Variants in NFIB observed in about 807,000 individuals in gnomAD.
NFIB encodes nuclear factor I B.
Under a neutral mutation model 61.5 loss-of-function variants are expected in NFIB, and 11 were observed. The observed-to-expected ratio is 0.18, with a 90% confidence interval of 0.11 to 0.30. The LOEUF is 0.30. Ranked by LOEUF, NFIB falls within the 10% of genes least tolerant of loss-of-function variation. The pLI is 1.00. For missense variants in NFIB, 471 were observed against 608.9 expected (o/e 0.77, Z 2.38); for synonymous variants, 260 against 216.5 (o/e 1.20, Z -1.76).
intron 10 of NFIB, among the ~76,000 whole-genome samples, chr9:14,098,530 G>A (rs2035236616): frequency 6.6e-6 from 1 of 152,208 alleles, no homozygotes; most frequent in Admixed American, 6.5e-5. Flanking sequence ...AAGCCAGCCA[G>A]TCAGGGAGTA....
At chr9:14,135,073 A>G (rs2130985186) in intron 6 of NFIB, among the ~76,000 whole-genome samples, 1 of 152,274 alleles carries the variant, frequency 6.6e-6, no homozygotes, top group Admixed American at 6.5e-5. Flanking sequence ...AAAACAGGCT[A>G]GCATATATAC....
At position 14,375,533 on chromosome 9, in the gene NFIB, C is replaced by T. The variant is rs572017516; in HGVS notation, c.108+22991G>A. On this transcript the variant is annotated intron_variant, in intron 1 of 8. Transcript: ENST00000380934. ...ATTATCTGGGCGTGGAGGTGGGCAC[C>T]TGCAATCCCAGCGACTTGGGAGGCC... is the stretch of plus-strand genomic sequence containing the variant. Among the ~76,000 whole-genome samples the T allele has an allele frequency of 5.9e-5, 9 of 152,242 alleles. No individual in the cohort carries two copies. The East Asian group carries it at 1.5e-3, about 26-fold the overall frequency.
the NFIB span, among the ~76,000 whole-genome samples, chr9:14,466,717 C>T: frequency 2.6e-5 from 4 of 152,234 alleles, no homozygotes; most frequent in East Asian, 7.7e-4. Flanking sequence ...TCCTCCCTCT[C>T]TATTCTTCTT....
the NFIB span, among the ~76,000 whole-genome samples, chr9:14,410,868 C>T: frequency 2.6e-5 from 4 of 152,156 alleles, no homozygotes; most frequent in Non-Finnish European, 5.9e-5. Context: ...TCATTCATTT[C>T]CTTCTCATTT....
intron 1 of NFIB, among the ~76,000 whole-genome samples, chr9:14,355,848 T>C (rs1161989705): frequency 2.0e-5 from 3 of 151,986 alleles, no homozygotes; most frequent in Non-Finnish European, 2.9e-5. Context: ...TCCCAGCTAC[T>C]CCGGAGGCTG....
intron 2 of NFIB, among the ~76,000 whole-genome samples, chr9:14,182,708 C>CTCTGTGTG (rs778914837): frequency 6.5e-4 from 63 of 96,998 alleles, no homozygotes; most frequent in East Asian, 2.3e-3. Flanking sequence ...CTCTCTCTCT[C>CTCTGTGTG]TGTGTGTGTG....
intron 1 of NFIB, among the ~76,000 whole-genome samples, chr9:14,330,757 G>C (rs1356210699): frequency 6.6e-6 from 1 of 152,056 alleles, no homozygotes; most frequent in Non-Finnish European, 1.5e-5. Flanking sequence ...GTGAATAATT[G>C]AGAAGCTCGT....
chr9:14,508,362 G>A, the NFIB span, among the ~76,000 whole-genome samples: 5,945 of 152,056 alleles, frequency 0.039, 369 homozygotes, highest in African/African-American at 0.13. Context: ...GCCGGAAACC[G>A]CCCACTCCTT....
the NFIB span, among the ~76,000 whole-genome samples, chr9:14,514,347 C>CACACACACACAT: frequency 6.6e-6 from 1 of 151,882 alleles, no homozygotes; most frequent in African/African-American, 2.4e-5. Flanking sequence ...CACACACACA[C>CACACACACACAT]GCATCCACCA....
At chr9:14,295,369 T>C (rs1242924064) in intron 2 of NFIB, among the ~76,000 whole-genome samples, 1 of 152,100 alleles carries the variant, frequency 6.6e-6, no homozygotes, top group African/African-American at 2.4e-5. Flanking sequence ...CTCATGCCTG[T>C]AATCCCAGCA....
At chr9:14,384,782 C>T (rs1015259248) in intron 1 of NFIB, among the ~76,000 whole-genome samples, 2 of 152,052 alleles carry the variant, frequency 1.3e-5, no homozygotes, top group East Asian at 3.9e-4. Flanking sequence ...ATACCCTTTT[C>T]GTTTTGTCTG....
Position 14,313,588 on chromosome 9 carries a change from T to C in NFIB, c.-77A>G. On this transcript the variant is annotated 5_prime_UTR_variant, in exon 1 of 11. Coordinates refer to ENST00000380953, the MANE Select transcript of NFIB (RefSeq NM_001190737.2). The surrounding 1 kb of genome is among the most constrained non-coding windows in gnomAD (Gnocchi z 4.5). ...AAGCAAGAATTTCATCTATTCATTT[T>C]ACAGTCATCTGAGCCCCGCGATGCG... The C allele has an allele frequency of 6.2e-7, 1 of 1,610,042 alleles. No homozygotes were observed. Among genetic ancestry groups the C allele is most frequent in the South Asian group, 1.1e-5 (1 of 90,748 alleles).
chr9:14,112,711 T>C (rs1032386284), intron 10 of NFIB, among the ~76,000 whole-genome samples: 5 of 152,198 alleles, frequency 3.3e-5, no homozygotes, highest in Admixed American at 3.3e-4. Context: ...AAGTTCTCAA[T>C]AGCCAATGAG....
intron 1 of NFIB, among the ~76,000 whole-genome samples, chr9:14,375,292 AG>A (rs1345674059): frequency 1.3e-5 from 2 of 152,206 alleles, no homozygotes; most frequent in Admixed American, 6.5e-5. Context: ...ATCATGAAAA[AG>A]GAAAAGAGGA....
chr9:14,347,632 T>G (rs922796747), intron 1 of NFIB, among the ~76,000 whole-genome samples: 19 of 148,838 alleles, frequency 1.3e-4, no homozygotes, highest in Admixed American at 1.3e-3. Flanking sequence ...CCTAGGCGGT[T>G]GAAGATCCAA....
chr9:14,406,067 G>C, the NFIB span, among the ~76,000 whole-genome samples: 5 of 152,162 alleles, frequency 3.3e-5, no homozygotes, highest in South Asian at 2.1e-4. Flanking sequence ...CTCCTAGGAG[G>C]GTGTATTTTC....
rs75820923 is a variant in NFIB, at chr9:14,368,990, T to C, written c.108+29534A>G. 3.1e-3 allele frequency among the ~76,000 whole-genome samples: 466 copies of C among 152,276 alleles called. 2 individuals are homozygous for C. Among genetic ancestry groups the C allele is most frequent in the Middle Eastern group, 3.4e-3 (1 of 294 alleles). On this transcript the variant is annotated intron_variant, in intron 1 of 8. Transcript: ENST00000380934. ...GAAAGTGATTGGCACATATAGTAAGTGACAGGTTTTTGGTACTGTGTATCA... is the reference window on the plus strand; with the variant it reads ...GAAAGTGATTGGCACATATAGTAAGCGACAGGTTTTTGGTACTGTGTATCA...
chr9:14,270,975 C>T (rs2057566788), intron 2 of NFIB, among the ~76,000 whole-genome samples: 2 of 152,066 alleles, frequency 1.3e-5, no homozygotes, highest in South Asian at 4.1e-4. Context: ...GCTGGATGAA[C>T]ACTCAGATTC....
At chr9:14,509,274 C>T in the NFIB span, among the ~76,000 whole-genome samples, 1 of 152,144 alleles carries the variant, frequency 6.6e-6, no homozygotes. Flanking sequence ...GAAGTTTAGG[C>T]ATCTTTGTCA....
Sources: allele counts gnomAD v4.1 joint callset (sites outside exome capture counted in the v4.1 genomes callset), GRCh38; gene constraint gnomAD v4.1.1; non-coding constraint Gnocchi (gnomAD v3.1); transcripts MANE v1.5; gene names NCBI Gene and HGNC (gene_info 2026-07-23, HGNC 2026-07-21).